VNN2: variants seen among roughly 807,000 people sequenced by gnomAD.
VNN2 encodes the protein pantetheine hydrolase VNN2.
A neutral mutation model predicts 43.0 loss-of-function variants in VNN2; 43 were observed. That is an observed-to-expected ratio of 1.00 (90% CI 0.78 to 1.29). The LOEUF (loss-of-function observed/expected upper bound fraction) is 1.29, where lower values mean the gene tolerates loss of function less well. VNN2 is among the 50% of genes most tolerant of loss of function. The pLI, the probability that VNN2 is intolerant of heterozygous loss-of-function variation, is 0.00. For synonymous variants in VNN2, 230 were observed against 224.3 expected (o/e 1.03, Z -0.23); for missense variants, 652 against 619.7 (o/e 1.05, Z -0.55).
Position 132,757,112 on chromosome 6 carries a change from A to C in VNN2, c.344+304T>G, listed in dbSNP as rs3817926. 1.8e-3 allele frequency among the ~76,000 whole-genome samples: 272 copies of C among 152,318 alleles called. 3 individuals are homozygous for C. The East Asian group carries it at 0.034, about 19-fold the overall frequency. ...GCAGAGGCTTTGGAATGTATTCCTAACACAATCCACTGTCTACTTCAGAAA... is the reference window on the plus strand; with the variant it reads ...GCAGAGGCTTTGGAATGTATTCCTACCACAATCCACTGTCTACTTCAGAAA... On this transcript the variant is annotated intron_variant, in intron 2 of 6. Transcript: ENST00000326499.
chr6:132,757,733 A>C lies in VNN2; in HGVS notation c.151T>G (p.Leu51Val). The C allele has an allele frequency of 6.2e-7, 1 of 1,614,164 alleles. No individual in the cohort carries two copies. Among genetic ancestry groups the C allele is most frequent in the Non-Finnish European group, 8.5e-7 (1 of 1,180,028 alleles). ...TCTATATTCTCGTTCATGAGATTCAAGGCATCCTCCTGAGAAACTGGTGTT... is the reference window on the plus strand; with the variant it reads ...TCTATATTCTCGTTCATGAGATTCACGGCATCCTCCTGAGAAACTGGTGTT... ...TETPVSQEDA[L>V]NLMNENIDIL... The change falls in exon 1 of 7, where the codon TTG (leucine) becomes GTG (valine). Residue 51 changes from leucine to valine, a missense_variant. By Grantham distance (32) the Leu-to-Val change is conservative. Transcript: ENST00000326499.
chr6:132,754,041 C>G (rs941461440), intron 3 of VNN2: 6 of 148,888 alleles, frequency 4.0e-5, no homozygotes, highest in African/African-American at 1.5e-4. Flanking sequence ...GGGTTACAAA[C>G]GGTCCCTGAG....
intron 6 of VNN2, among the ~76,000 whole-genome samples, chr6:132,748,717 A>G (rs1452063229): frequency 6.6e-6 from 1 of 152,266 alleles, no homozygotes; most frequent in Admixed American, 6.5e-5. Flanking sequence ...CAGAGTCATA[A>G]TTCTAATTTG....
chr6:132,762,166 A>C (rs915802884), upstream of VNN2, among the ~76,000 whole-genome samples: 1 of 152,200 alleles, frequency 6.6e-6, no homozygotes, highest in African/African-American at 2.4e-5. Context: ...GAAAAACTGC[A>C]GTGGGGTAGC....
rs1779601521 is a variant in VNN2, at chr6:132,744,430, G to A, written c.1433C>T (p.Ser478Leu). Residue 478 changes from serine (S) to leucine (L), a missense_variant, in exon 7 of 7, where the codon TCA becomes TTA. Coordinates refer to ENST00000326499, the MANE Select transcript of VNN2 (RefSeq NM_004665.6). ...NGSSGPILTV[S>L]LFGRWYTKDS... ...CTTTGTGTACCACCTCCCAAAGAGT[G>A]ACACTGTTAGTATAGGCCCAGATGA... is the stretch of plus-strand genomic sequence containing the variant. The A allele has an allele frequency of 1.2e-6, 2 of 1,613,416 alleles. No individual in the cohort carries two copies. Among genetic ancestry groups the A allele is most frequent in the Admixed American group, 1.7e-5 (1 of 59,878 alleles).
At chr6:132,754,256 G>C (rs79826665) in intron 3 of VNN2, among the ~76,000 whole-genome samples, 5,057 of 152,214 alleles carry the variant, frequency 0.033, 275 homozygotes, top group African/African-American at 0.11. Context: ...TGGAAGCACT[G>C]ACCTTTCTAT....
upstream of VNN2, chr6:132,760,799 C>G (rs1199004253): frequency 6.6e-6 from 1 of 152,076 alleles, no homozygotes; most frequent in African/African-American, 2.4e-5. Flanking sequence ...TTTCTCTGTC[C>G]TTGGCTGTAA....
chr6:132,755,694 T>C (rs1780419245), intron 3 of VNN2, 149 bp downstream of exon 3: 3 of 855,938 alleles, frequency 3.5e-6, no homozygotes, highest in African/African-American at 1.7e-5. Context: ...ATTTTCTTTA[T>C]TGCCCACTTT....
At position 132,751,185 on chromosome 6, in the gene VNN2, A is replaced by T; in HGVS notation, c.1160T>A (p.Phe387Tyr). Residue 387 changes from phenylalanine to tyrosine, a missense_variant, in exon 5 of 7, where the codon TTT (phenylalanine) becomes TAT (tyrosine). Coordinates refer to ENST00000326499, the MANE Select transcript of VNN2 (RefSeq NM_004665.6). ...EENEVYVLGA[F>Y]TGLHGRRRRE... The stretch of plus-strand genomic sequence containing the variant: ...TCTCCTTCGGCCATGTAATCCTGTA[A>T]AAGCTCCTAGAACGTATACTTCATT... 1.2e-6 allele frequency: 2 copies of T among 1,612,092 alleles called. No individual in the cohort carries two copies. Among genetic ancestry groups the T allele is most frequent in the Non-Finnish European group, 1.7e-6 (2 of 1,179,324 alleles).
chr6:132,753,003 A>T, intron 3 of VNN2: 1 of 388,804 alleles, frequency 2.6e-6, no homozygotes, highest in Non-Finnish European at 4.6e-6. Flanking sequence ...AGAGCCAAAT[A>T]CCCCCCCATA....
At position 132,757,702 on chromosome 6, in the gene VNN2, A is replaced by G. The variant is rs1780565565; in HGVS notation, c.182T>C (p.Leu61Pro). The G allele has an allele frequency of 9.3e-6, 15 of 1,614,192 alleles. No individual in the cohort carries two copies. The highest frequency in any genetic ancestry group is 1.2e-5 in the Non-Finnish European group (14 of 1,180,028). ...AGCTGCCTGCTTGATCGCTGTCTCCAGAATGTCTATATTCTCGTTCATGAG... is the reference window on the plus strand; with the variant it reads ...AGCTGCCTGCTTGATCGCTGTCTCCGGAATGTCTATATTCTCGTTCATGAG... ...LNLMNENIDI[L>P]ETAIKQAAEQ... The change falls in exon 1 of 7, where the codon CTG becomes CCG. Residue 61 changes from leucine (L) to proline (P), a missense_variant. Coordinates refer to ENST00000326499, the MANE Select transcript of VNN2 (RefSeq NM_004665.6).
chr6:132,748,664 T>A (rs1231338020), intron 6 of VNN2, among the ~76,000 whole-genome samples: 1 of 152,264 alleles, frequency 6.6e-6, no homozygotes, highest in Non-Finnish European at 1.5e-5. Flanking sequence ...TATGCGTGTA[T>A]GTGCATGTGT....
In VNN2 at chr6:132,757,726, A is replaced by G. The variant is rs74854525; in HGVS notation, c.158T>C (p.Leu53Pro). Residue 53 changes from leucine to proline, a missense_variant, in exon 1 of 7, where the codon CTC becomes CCC. By Grantham distance (98) the Leu-to-Pro change is moderately conservative. Coordinates refer to ENST00000326499, the MANE Select transcript of VNN2 (RefSeq NM_004665.6). Reference protein sequence around the residue: ...TPVSQEDALNLMNENIDILET... With the variant: ...TPVSQEDALNPMNENIDILET... ...CAGAATGTCTATATTCTCGTTCATG[A>G]GATTCAAGGCATCCTCCTGAGAAAC... The G allele has an allele frequency of 3.8e-4, 618 of 1,614,148 alleles. 3 individuals carry two copies. In the African/African-American group the frequency reaches 5.3e-3, roughly 14 times the overall value.
chr6:132,751,206 T>C lies in VNN2; in HGVS notation c.1139A>G (p.Glu380Gly), dbSNP rs756898731. The change falls in exon 5 of 7, where the codon GAA becomes GGA. Residue 380 changes from glutamate to glycine, a missense_variant. Physicochemically the swap from Glu to Gly is moderately conservative, Grantham distance 98 (BLOSUM62 -2). Transcript: ENST00000326499. The part of the protein sequence containing the change: ...SYRMLQKEEN[E>G]VYVLGAFTGL... ...TGTAAAAGCTCCTAGAACGTATACT[T>C]CATTCTCTTCTTTTTGTAACATTCT... The C allele has an allele frequency of 6.2e-7, 1 of 1,614,028 alleles. No homozygotes were observed. Among genetic ancestry groups the C allele is most frequent in the Non-Finnish European group, 8.5e-7 (1 of 1,180,032 alleles).
Position 132,751,531 on chromosome 6 carries a change from G to A in VNN2, c.827-13C>T. 1.3e-6 allele frequency: 2 copies of A among 1,588,684 alleles called. No homozygotes were observed. The highest frequency in any genetic ancestry group is 1.7e-6 in the Non-Finnish European group (2 of 1,167,904). On this transcript the variant is annotated splice_polypyrimidine_tract_variant and intron_variant, in intron 4 of 6. Coordinates refer to ENST00000326499, the MANE Select transcript of VNN2 (RefSeq NM_004665.6). ...TAAATACCACTTCCTGTGAATGAAAGACAAGTCTTCTAAAAACAACACCAC... is the reference window on the plus strand; with the variant it reads ...TAAATACCACTTCCTGTGAATGAAAAACAAGTCTTCTAAAAACAACACCAC...
Position 132,757,890 on chromosome 6 carries a change from G to A in VNN2, c.-7C>T, listed in dbSNP as rs1780586660. 3 of 1,607,024 alleles carry A rather than the reference G, an allele frequency of 1.9e-6. No individual in the cohort carries two copies. Among genetic ancestry groups the A allele is most frequent in the Non-Finnish European group, 2.6e-6 (3 of 1,175,512 alleles). ...GAAAAGAGGAAGTGACCATGGCCAAGGTTTAGTGATTTCTGAAAGCAAAAA... is the reference window on the plus strand; with the variant it reads ...GAAAAGAGGAAGTGACCATGGCCAAAGTTTAGTGATTTCTGAAAGCAAAAA... On this transcript the variant is annotated 5_prime_UTR_variant, in exon 1 of 7. Transcript: ENST00000326499.
intron 6 of VNN2, among the ~76,000 whole-genome samples, chr6:132,746,071 G>A (rs1373492877): frequency 6.6e-6 from 1 of 152,174 alleles, no homozygotes; most frequent in Admixed American, 6.5e-5. Context: ...AAATCAGTGA[G>A]GAAAATATTC....
At chr6:132,758,001 TTCTTCTTCTTCTTCTTCTTCTTC>T, upstream of VNN2, 1 of 165,602 alleles carries the variant, frequency 6.0e-6, no homozygotes, top group Non-Finnish European at 9.5e-6. Context: ...ATCATCATTT[TTCTTCTTCTTCTTCTTCTTCTTC>T]TTCTTCTTCT....
chr6:132,746,266 A>G (rs1454126374), intron 6 of VNN2, among the ~76,000 whole-genome samples: 1 of 152,212 alleles, frequency 6.6e-6, no homozygotes, highest in Non-Finnish European at 1.5e-5. Flanking sequence ...ATAAAACTAA[A>G]GTGGTGGTGG....
Sources: allele counts gnomAD v4.1 joint callset (sites outside exome capture counted in the v4.1 genomes callset), GRCh38; gene constraint gnomAD v4.1.1; transcripts MANE v1.5; gene names NCBI Gene and HGNC (gene_info 2026-07-23, HGNC 2026-07-21).